The following ATP7B variants were observed in gnomAD, a reference collection of about 807,000 sequenced individuals.
ATP7B encodes ATPase copper transporting beta.
A neutral mutation model predicts 118.9 loss-of-function variants in ATP7B; 113 were observed. The ratio of observed to expected loss-of-function variants is 0.95; its 90% CI spans 0.82 to 1.11. ATP7B has a LOEUF of 1.11. ATP7B is among the 50% of genes most tolerant of loss of function. The pLI, the probability that ATP7B is intolerant of heterozygous loss-of-function variation, is 0.00. For synonymous variants in ATP7B, 777 were observed against 727.4 expected, an observed-to-expected ratio of 1.07 and a Z score of -1.10; for missense variants, 1,867 against 1,871.4, an observed-to-expected ratio of 1.00 and a Z score of 0.04.
intron 1 of ATP7B, among the ~76,000 whole-genome samples, chr13:51,992,190 C>A (rs1443911784): frequency 6.6e-6 from 1 of 151,472 alleles, no homozygotes; most frequent in Non-Finnish European, 1.5e-5. Context: ...GCATAAACAG[C>A]AATTTTTAAA....
At chr13:52,012,093 G>A (rs1296975901), upstream of ATP7B, 4 of 515,106 alleles carry the variant, frequency 7.8e-6, no homozygotes, top group Non-Finnish European at 1.4e-5. Context: ...GGCCGGGAAC[G>A]GGGGCGCAGG....
chr13:51,994,650 T>A (rs947875068), intron 1 of ATP7B, among the ~76,000 whole-genome samples: 11 of 152,226 alleles, frequency 7.2e-5, no homozygotes, highest in African/African-American at 2.7e-4. Flanking sequence ...CATTTGAAAG[T>A]TCTTTTCACA....
intron 16 of ATP7B, among the ~76,000 whole-genome samples, chr13:51,940,482 T>A: frequency 6.6e-6 from 1 of 151,264 alleles, no homozygotes; most frequent in East Asian, 2.0e-4. Flanking sequence ...CCGTCTCTAC[T>A]AAAAATACAA....
intron 1 of ATP7B, among the ~76,000 whole-genome samples, chr13:51,998,325 A>G (rs1953318553): frequency 6.6e-6 from 1 of 152,258 alleles, no homozygotes; most frequent in South Asian, 2.1e-4. Context: ...CTGGAACACA[A>G]GGATCTCATA....
intron 10 of ATP7B, 41 bp downstream of exon 10, chr13:51,950,231 T>C (rs768753130): frequency 1.1e-5 from 18 of 1,614,088 alleles, no homozygotes; most frequent in Non-Finnish European, 1.4e-5. Context: ...TGACAGCTGC[T>C]ATGATATCCT....
chr13:51,944,242 G>C lies in ATP7B; in HGVS notation c.3110C>G (p.Pro1037Arg), dbSNP rs1335109178. The change falls in exon 14 of 21, where the codon CCC becomes CGC. Residue 1037 changes from proline to arginine, a missense_variant. Pro to Arg is a moderately radical substitution (Grantham distance 103, BLOSUM62 -2). Coordinates refer to ENST00000242839, the MANE Select transcript of ATP7B (RefSeq NM_000053.4). Reference sequence around the variant, plus strand: ...CAGCAGGAGCACCCGCATGACCCTGGGGACGCCATGGGTAATGGTGCCAGT... The same window carrying C: ...CAGCAGGAGCACCCGCATGACCCTGCGGACGCCATGGGTAATGGTGCCAGT... ...DKTGTITHGV[P>R]RVMRVLLLGD... The C allele has an allele frequency of 6.2e-7, 1 of 1,614,040 alleles. No individual in the cohort carries two copies. Among genetic ancestry groups the C allele is most frequent in the Non-Finnish European group, 8.5e-7 (1 of 1,179,986 alleles).
At chr13:51,939,642 A>T (rs116033499) in intron 16 of ATP7B, among the ~76,000 whole-genome samples, 1 of 127,254 alleles carries the variant, frequency 7.9e-6, no homozygotes, top group African/African-American at 2.8e-5. Flanking sequence ...TTTCGGCAGA[A>T]TTTCTCTTTG....
chr13:52,008,862 T>C (rs1289293255), intron 1 of ATP7B, among the ~76,000 whole-genome samples: 1 of 146,032 alleles, frequency 6.8e-6, no homozygotes, highest in African/African-American at 2.5e-5. Context: ...CTTATTCCCT[T>C]ATTCTGCTTT....
At position 51,950,384 on chromosome 13, in the gene ATP7B, G is replaced by A. The variant is rs755237462; in HGVS notation, c.2463C>T (p.Pro821=). The A allele has an allele frequency of 2.5e-5, 40 of 1,613,918 alleles. No homozygotes were observed. The highest frequency in any genetic ancestry group is 3.3e-5 in the Non-Finnish European group (39 of 1,179,996). ...DNLIIREEQV[P]MELVQRGDIV... ...TATCGCCCCGCTGCACCAGCTCCAT[G>A]GGGACTTGCTCCTCCCTGCAACAAA... is the stretch of plus-strand genomic sequence containing the variant. Residue 821 remains proline, a synonymous_variant, in exon 10 of 21, where the codon CCC becomes CCT. Transcript: ENST00000242839.
chr13:52,003,054 T>C (rs1032302953), intron 1 of ATP7B, among the ~76,000 whole-genome samples: 3 of 152,208 alleles, frequency 2.0e-5, no homozygotes. Context: ...TTTCTCCATA[T>C]CAGCAGTAAG....
chr13:51,937,402 G>C lies in ATP7B; in HGVS notation c.3904-9C>G. On this transcript the variant is annotated splice_polypyrimidine_tract_variant and intron_variant, in intron 18 of 20. Transcript: ENST00000242839. The stretch of plus-strand genomic sequence containing the variant: ...ACATCCAGCAAATCATTCTGATGGA[G>C]AGGAGCACACAGTGAGGAAGGGGTC... The C allele has an allele frequency of 6.2e-7, 1 of 1,614,178 alleles. No homozygotes were observed. The highest frequency in any genetic ancestry group is 8.5e-7 in the Non-Finnish European group (1 of 1,179,998).
At chr13:51,969,578 G>C (rs1418392767) in intron 3 of ATP7B, among the ~76,000 whole-genome samples, 1 of 151,904 alleles carries the variant, frequency 6.6e-6, no homozygotes, top group Non-Finnish European at 1.5e-5. Flanking sequence ...TAACACTATT[G>C]TGTTAGTTTT....
rs938912446 is a variant in ATP7B at position 51,983,033 on chromosome 13, C to T, written c.52-7865G>A. On this transcript the variant is annotated intron_variant, in intron 1 of 20. Coordinates refer to ENST00000242839, the MANE Select transcript of ATP7B (RefSeq NM_000053.4). ...AGCTGCAGGAGTTTTTTTTTCATAC[C>T]CCAGTGGTGCCTGGAATGCCAGCAA... Among the ~76,000 whole-genome samples, 3 of 152,020 alleles carry T rather than the reference C, an allele frequency of 2.0e-5. No homozygotes were observed. In the East Asian group the frequency reaches 5.8e-4, roughly 29 times the overall value.
intron 1 of ATP7B, among the ~76,000 whole-genome samples, chr13:51,982,798 G>A (rs1350956968): frequency 6.6e-6 from 1 of 152,244 alleles, no homozygotes. Context: ...CCTCATGCAG[G>A]AAGCACAAGT....
chr13:51,943,093 G>A lies in ATP7B; in HGVS notation c.3244-539C>T, dbSNP rs148355655. On this transcript the variant is annotated intron_variant, in intron 14 of 20. Transcript: ENST00000242839. The stretch of plus-strand genomic sequence containing the variant: ...AATGGCTGGGGTTTCTGGACTGCCC[G>A]TCCTCCCCCAGGCTGTGAGCTCCCA... Among the ~76,000 whole-genome samples the A allele has an allele frequency of 3.7e-3, 563 of 152,246 alleles. 2 individuals carry two copies. Among genetic ancestry groups the A allele is most frequent in the African/African-American group, 0.013 (520 of 41,550 alleles).
intron 1 of ATP7B, among the ~76,000 whole-genome samples, chr13:51,984,784 T>C (rs1052638215): frequency 7.2e-5 from 11 of 152,240 alleles, no homozygotes; most frequent in African/African-American, 2.6e-4. Context: ...AGAAAATAAT[T>C]TTCAACCCAG....
At chr13:52,001,158 C>T (rs1217821829) in intron 1 of ATP7B, among the ~76,000 whole-genome samples, 1 of 152,140 alleles carries the variant, frequency 6.6e-6, no homozygotes, top group East Asian at 1.9e-4. Flanking sequence ...TCAACACATC[C>T]ACAAGAACCC....
In ATP7B at chr13:51,953,868, A is replaced by AAAAAAAAAAAAAAAAAAAC. The variant is rs1461098056; in HGVS notation, c.2448-3470_2448-3469insGTTTTTTTTTTTTTTTTTT. 1.1e-3 allele frequency among the ~76,000 whole-genome samples: 156 copies of AAAAAAAAAAAAAAAAAAAC among 148,246 alleles called. 2 individuals carry two copies. Among genetic ancestry groups the AAAAAAAAAAAAAAAAAAAC allele is most frequent in the African/African-American group, 3.7e-3 (147 of 39,804 alleles). ...ATCAATTGTAAAAAAAAAAAAAAAA[A>AAAAAAAAAAAAAAAAAAAC]CCAGAAAATTTCAACATGGGAGACT... is the stretch of plus-strand genomic sequence containing the variant. On this transcript the variant is annotated intron_variant, in intron 9 of 20. Transcript: ENST00000242839.
chr13:51,940,055 C>T (rs1243053550), intron 16 of ATP7B, among the ~76,000 whole-genome samples: 3 of 131,488 alleles, frequency 2.3e-5, no homozygotes, highest in African/African-American at 8.8e-5. Context: ...TCTTGTTGCC[C>T]AGGCTGGAGG....
Sources: allele counts gnomAD v4.1 joint callset (sites outside exome capture counted in the v4.1 genomes callset), GRCh38; gene constraint gnomAD v4.1.1; transcripts MANE v1.5; gene names NCBI Gene and HGNC (gene_info 2026-07-23, HGNC 2026-07-21).